SLFN5: variants seen among roughly 807,000 people sequenced by gnomAD.
SLFN5 encodes the protein schlafen family member 5.
In SLFN5, 34 loss-of-function variants were observed where a neutral mutation model predicts 48.5. The ratio of observed to expected loss-of-function variants is 0.70; its 90% confidence interval spans 0.53 to 0.93. SLFN5 has a LOEUF of 0.93. Among genes scored for constraint, SLFN5 ranks in the 40% least tolerant of loss-of-function variants. The pLI, the probability that SLFN5 is intolerant of heterozygous loss-of-function variation, is 0.00. For synonymous variants in SLFN5, 387 were observed against 396.2 expected, an observed-to-expected ratio of 0.98 and a Z score of 0.28; for missense variants, 1,006 against 1,071.3, an observed-to-expected ratio of 0.94 and a Z score of 0.85.
rs185033883 is a variant in SLFN5, at chr17:35,272,319, T to A, written c.*6431T>A. 1 of 152,148 alleles carries A rather than the reference T, an allele frequency of 6.6e-6. No homozygotes were observed. The highest frequency in any genetic ancestry group is 1.5e-5 in the Non-Finnish European group (1 of 68,022). The allele number at this position is 152,148 out of a possible 1,614,324, so 9.4% of individuals were successfully genotyped here. A position where few individuals can be genotyped will look rare whatever the true frequency, so the allele number is the denominator to read the frequency against. The stretch of plus-strand genomic sequence containing the variant: ...AATTGGGGAAAGATGGATTATTCAA[T>A]ATATGATGAACAACTCTGTCACCCA... On this transcript the variant is annotated 3_prime_UTR_variant, in exon 5 of 5. Transcript: ENST00000299977.
At chr17:35,262,312 G>A (rs145476331) in intron 3 of SLFN5, among the ~76,000 whole-genome samples, 1,748 of 151,046 alleles carry the variant, frequency 0.012, 33 homozygotes, top group African/African-American at 0.039. Context: ...CCCTGGAGGC[G>A]GAGGTTGCAG....
chr17:35,244,762 G>T (rs968471571), intron 1 of SLFN5, among the ~76,000 whole-genome samples: 1 of 152,086 alleles, frequency 6.6e-6, no homozygotes, highest in Non-Finnish European at 1.5e-5. Context: ...GGCCAACATG[G>T]TGAAACCCCA....
At chr17:35,261,643 A>G (rs1904522075) in intron 3 of SLFN5, among the ~76,000 whole-genome samples, 1 of 151,144 alleles carries the variant, frequency 6.6e-6, no homozygotes, top group South Asian at 2.1e-4. Flanking sequence ...TGCTGGGATT[A>G]CAGGCATGAG....
chr17:35,265,013 A>C (rs1356322139), intron 4 of SLFN5, 59 bp from the exon 5 acceptor site: 1 of 1,557,792 alleles, frequency 6.4e-7, no homozygotes, highest in Non-Finnish European at 8.6e-7. Flanking sequence ...AGAGGGGTTT[A>C]AGAGTAGAAT....
intron 1 of SLFN5, among the ~76,000 whole-genome samples, chr17:35,249,095 C>T (rs1260775042): frequency 6.6e-6 from 1 of 152,168 alleles, no homozygotes; most frequent in South Asian, 2.1e-4. Context: ...GAAATACCTT[C>T]CAACACATCA....
intron 1 of SLFN5, among the ~76,000 whole-genome samples, chr17:35,247,334 A>G (rs993360579): frequency 6.6e-6 from 1 of 152,162 alleles, no homozygotes; most frequent in Admixed American, 6.5e-5. Flanking sequence ...GTGAGTGATG[A>G]TGGCGGCTGA....
rs931864941 is a variant in SLFN5, at chr17:35,268,131, T to C, written c.*2243T>C. On this transcript the variant is annotated 3_prime_UTR_variant, in exon 5 of 5. Transcript: ENST00000299977. ...AGCGAGGGCCTCATCTCACACCAGA[T>C]CATATCAGGCTACACAAAAGTAGAT... is the stretch of plus-strand genomic sequence containing the variant. 1.3e-5 allele frequency: 2 copies of C among 152,244 alleles called. No homozygotes were observed. The highest frequency in any genetic ancestry group is 4.8e-5 in the African/African-American group (2 of 41,524). 9.4% of individuals were successfully genotyped at this position (152,244 alleles called of 1,614,324 possible).
At chr17:35,262,176 C>T (rs565011935) in intron 3 of SLFN5, among the ~76,000 whole-genome samples, 6 of 151,742 alleles carry the variant, frequency 4.0e-5, no homozygotes, top group Non-Finnish European at 7.4e-5. Flanking sequence ...GTCAAGAGAT[C>T]GAGACCATCC....
chr17:35,245,923 C>A (rs995026759), intron 1 of SLFN5, among the ~76,000 whole-genome samples: 3 of 150,994 alleles, frequency 2.0e-5, no homozygotes, highest in Non-Finnish European at 4.4e-5. Flanking sequence ...CTGCCAAATT[C>A]TTTTCCAAAA....
At chr17:35,257,815 T>A (rs1481906068) in intron 1 of SLFN5, among the ~76,000 whole-genome samples, 4 of 152,278 alleles carry the variant, frequency 2.6e-5, no homozygotes, top group East Asian at 1.9e-4. Flanking sequence ...CTCAATCAGA[T>A]GTGTCCCCTC....
In SLFN5 at chr17:35,271,514, A is replaced by G. The variant is rs1904830878; in HGVS notation, c.*5626A>G. The G allele has an allele frequency of 6.6e-6, 1 of 152,234 alleles. No homozygotes were observed. The highest frequency in any genetic ancestry group is 1.5e-5 in the Non-Finnish European group (1 of 68,044). 9.4% of individuals were successfully genotyped at this position (152,234 alleles called of 1,614,324 possible). A position where few individuals can be genotyped will look rare whatever the true frequency, so the allele number is the denominator to read the frequency against. On this transcript the variant is annotated 3_prime_UTR_variant, in exon 5 of 5. Transcript: ENST00000299977. The stretch of plus-strand genomic sequence containing the variant: ...TTCCAACAAAAAGATAAAATAATTA[A>G]GAATAACTGCAACAAGAAAATATAA...
At chr17:35,253,053 A>T (rs2092446013) in intron 1 of SLFN5, among the ~76,000 whole-genome samples, 1 of 152,024 alleles carries the variant, frequency 6.6e-6, no homozygotes, top group South Asian at 2.1e-4. Flanking sequence ...TTTATTGCAC[A>T]CAATTTTGGT....
At position 35,269,849 on chromosome 17, in the gene SLFN5, C is replaced by A. The variant is rs1400842370; in HGVS notation, c.*3961C>A. On this transcript the variant is annotated 3_prime_UTR_variant, in exon 5 of 5. Transcript: ENST00000299977. ...TTGGGTAGATCAAAACAACAAATGT[C>A]CATTACAGCAATTAACAAAAGTTAG... is the stretch of plus-strand genomic sequence containing the variant. 1.3e-5 allele frequency: 2 copies of A among 152,234 alleles called. No individual in the cohort carries two copies. The highest frequency in any genetic ancestry group is 2.1e-4 in the South Asian group (1 of 4,824). 9.4% of individuals were successfully genotyped at this position (152,234 alleles called of 1,614,324 possible).
intron 1 of SLFN5, among the ~76,000 whole-genome samples, chr17:35,243,660 C>A (rs1339355861): frequency 6.6e-6 from 1 of 152,144 alleles, no homozygotes; most frequent in Admixed American, 6.5e-5. Flanking sequence ...ACTAGGGTAG[C>A]CCACAAAGCC....
At position 35,265,309 on chromosome 17, in the gene SLFN5, C is replaced by T. The variant is rs149671075; in HGVS notation, c.2097C>T (p.Pro699=). The T allele has an allele frequency of 1.1e-4, 174 of 1,614,188 alleles. 1 individual carries two copies. In the African/African-American group the frequency reaches 2.0e-3, roughly 18 times the overall value. The change falls in exon 5 of 5, where the codon CCC becomes CCT. Residue 699 remains proline (P), a synonymous_variant. Transcript: ENST00000299977. ...TGAGTTGCAGTGGCCTCCCCCCTCC[C>T]TCAGACCAGTATCCAAGAGAAGAGA... The part of the protein sequence containing the change: ...YHLSCSGLPP[P]SDQYPREEIN...
rs200226704 is a variant in SLFN5, at chr17:35,264,750, G to A, written c.1706G>A (p.Arg569His). 1.7e-4 allele frequency: 271 copies of A among 1,600,216 alleles called. 3 individuals carry two copies. The highest frequency in any genetic ancestry group is 6.7e-4 in the Middle Eastern group (4 of 5,986). Reference protein sequence around the residue: ...KQYELLSKNLRKTRELFVHGL... With the variant: ...KQYELLSKNLHKTRELFVHGL... ...TATGAGTTGCTTTCAAAGAACCTTC[G>A]CAAGACCAGAGAGTTGTTTGTTCAT... Residue 569 changes from arginine to histidine, a missense_variant, in exon 4 of 5, where the codon CGC becomes CAC. By Grantham distance (29) the Arg-to-His change is conservative (BLOSUM62 0). Transcript: ENST00000299977.
In SLFN5 at chr17:35,264,522, T is replaced by C. The variant is rs1017927564; in HGVS notation, c.1478T>C (p.Leu493Ser). Residue 493 changes from leucine to serine, a missense_variant, in exon 4 of 5, where the codon TTG becomes TCG. Transcript: ENST00000299977. ...GYTGRLCITP[L>S]VCVLNSDRKA... The stretch of plus-strand genomic sequence containing the variant: ...ACTGGGAGGTTATGCATCACCCCCT[T>C]GGTCTGTGTGCTGAATTCTGATAGA... The C allele has an allele frequency of 1.2e-6, 2 of 1,614,142 alleles. No individual in the cohort carries two copies. Among genetic ancestry groups the C allele is most frequent in the Non-Finnish European group, 8.5e-7 (1 of 1,180,008 alleles).
chr17:35,260,247 T>C (rs1904481661), intron 2 of SLFN5, among the ~76,000 whole-genome samples: 1 of 152,054 alleles, frequency 6.6e-6, no homozygotes, highest in Non-Finnish European at 1.5e-5. Context: ...AGCCAGAGGA[T>C]GGTTGGTGAC....
Position 35,253,695 on chromosome 17 carries a change from T to G in SLFN5, c.-40-4956T>G, listed in dbSNP as rs978719756. ...TGGCCTGAGTATAGCTAACAGTTTT[T>G]TTTTTTTTTTTTTTTTTTTTGAGAT... On this transcript the variant is annotated intron_variant, in intron 1 of 4. Coordinates refer to ENST00000299977, the MANE Select transcript of SLFN5 (RefSeq NM_144975.4). Among the ~76,000 whole-genome samples the G allele has an allele frequency of 1.1e-4, 6 of 55,046 alleles. No homozygotes were observed. In the East Asian group the frequency reaches 1.3e-3, roughly 12 times the overall value. 36.1% of individuals were successfully genotyped at this position (55,046 alleles called of 152,430 possible).
Sources: gnomAD v4.1 joint callset for allele counts (sites outside exome capture counted in the v4.1 genomes callset) on GRCh38, gnomAD v4.1.1 for gene constraint, MANE v1.5 for transcripts, NCBI Gene and HGNC (gene_info 2026-07-23, HGNC 2026-07-21) for gene names.